FOCAD: variants seen among roughly 807,000 people sequenced by gnomAD.
The protein encoded by FOCAD is focadhesin, also known as KIAA1797.
FOCAD carries 198 observed loss-of-function variants against 225.6 expected under a neutral mutation model. The ratio of observed to expected loss-of-function variants is 0.88; its 90% confidence interval spans 0.78 to 0.99. The LOEUF is 0.99. Ranked by LOEUF, FOCAD falls within the 50% of genes least tolerant of loss-of-function variation. The probability of loss-of-function intolerance (pLI) is 0.00; values close to 1 mark genes in which losing one functional copy is unlikely to be tolerated. For missense variants in FOCAD, 2,713 were observed against 2,123.6 expected, an observed-to-expected ratio of 1.28 and a Z score of -5.46; for synonymous variants, 897 against 755.0, an observed-to-expected ratio of 1.19 and a Z score of -3.08.
intron 41 of FOCAD, 78 bp from the exon 42 acceptor site, chr9:20,990,045 A>G (rs751955379): frequency 6.4e-6 from 10 of 1,553,942 alleles, no homozygotes; most frequent in Non-Finnish European, 7.9e-6. Context: ...GCCTCACGAC[A>G]GGGGCTGTGT....
rs116067246 is a variant in FOCAD at position 20,778,490 on chromosome 9, C to T, written c.907-191C>T. On this transcript the variant is annotated intron_variant, in intron 8 of 43. Transcript: ENST00000338382. ...CTGCCTTGGCCTCCCAAAGTGTTGGCGTTACAGGCGTGAGCTGCCACGCCC... is the reference window on the plus strand; with the variant it reads ...CTGCCTTGGCCTCCCAAAGTGTTGGTGTTACAGGCGTGAGCTGCCACGCCC... Among the ~76,000 whole-genome samples, 5,198 of 152,176 alleles carry T rather than the reference C, an allele frequency of 0.034. 123 individuals are homozygous for T. The highest frequency in any genetic ancestry group is 0.067 in the African/African-American group (2,795 of 41,524).
In FOCAD at chr9:20,982,021, A is replaced by T. The variant is rs555661751; in HGVS notation, c.4638+335A>T. Among the ~76,000 whole-genome samples the T allele has an allele frequency of 9.8e-5, 15 of 152,310 alleles. No individual in the cohort carries two copies. In the South Asian group the frequency reaches 2.3e-3, roughly 23 times the overall value. ...GGAGAATCCGTGGGCATGAGTTCCCATATACTGTTTATATAAAACAATTTA... is the reference window on the plus strand; with the variant it reads ...GGAGAATCCGTGGGCATGAGTTCCCTTATACTGTTTATATAAAACAATTTA... On this transcript the variant is annotated intron_variant, in intron 38 of 43. Coordinates refer to ENST00000338382, the MANE Select transcript of FOCAD (RefSeq NM_001375567.1).
At chr9:20,820,181 A>T (rs902993411) in intron 12 of FOCAD, 143 bp from the exon 13 acceptor site, 1 of 594,670 alleles carries the variant, frequency 1.7e-6, no homozygotes, top group Non-Finnish European at 2.9e-6. Context: ...GCTATTTTTC[A>T]TCCTCTAAGA....
intron 21 of FOCAD, among the ~76,000 whole-genome samples, chr9:20,901,334 A>G (rs7873682): frequency 0.64 from 96,271 of 150,876 alleles, 31,067 homozygotes; most frequent in African/African-American, 0.73. Context: ...CATGTGGCAA[A>G]CATGAAAAAT....
At chr9:20,715,453 C>G in intron 2 of FOCAD, 43 bp downstream of exon 2, 4 of 1,211,912 alleles carry the variant, frequency 3.3e-6, no homozygotes, top group Non-Finnish European at 4.5e-6. Context: ...ACAAATAAAC[C>G]TGTTCTGTGG....
At chr9:20,663,597 A>G (rs1821804376) in intron 2 of FOCAD, among the ~76,000 whole-genome samples, 1 of 152,146 alleles carries the variant, frequency 6.6e-6, no homozygotes, top group African/African-American at 2.4e-5. Context: ...GCTATGCATC[A>G]AAAACAATTC....
intron 35 of FOCAD, among the ~76,000 whole-genome samples, chr9:20,965,135 A>T (rs760457662): frequency 1.3e-5 from 2 of 152,128 alleles, no homozygotes; most frequent in Admixed American, 6.5e-5. Flanking sequence ...AGGGCATGGT[A>T]CTCTTTTATA....
rs1030598646 is a variant in FOCAD, at chr9:20,961,680, C to T, written c.4132+8615C>T. ...CTTTTTGTATTTGTAACTCCCTTCT[C>T]TGACAGTAAGAAACTTGACTCTCAT... is the stretch of plus-strand genomic sequence containing the variant. On this transcript the variant is annotated intron_variant, in intron 35 of 43. Coordinates refer to ENST00000338382, the MANE Select transcript of FOCAD (RefSeq NM_001375567.1). Among the ~76,000 whole-genome samples the T allele has an allele frequency of 3.9e-5, 6 of 152,262 alleles. No homozygotes were observed. In the South Asian group the frequency reaches 1.2e-3, roughly 32 times the overall value.
At chr9:20,733,745 T>A (rs2131619522) in intron 4 of FOCAD, among the ~76,000 whole-genome samples, 1 of 152,314 alleles carries the variant, frequency 6.6e-6, no homozygotes, top group East Asian at 1.9e-4. Flanking sequence ...CTCATGCCTG[T>A]AATCCTAGCA....
chr9:20,814,965 T>A (rs929308105), intron 11 of FOCAD, among the ~76,000 whole-genome samples: 2 of 152,016 alleles, frequency 1.3e-5, no homozygotes, highest in African/African-American at 4.8e-5. Context: ...GTTTAGGTAT[T>A]ACCAGTAAAC....
intron 21 of FOCAD, among the ~76,000 whole-genome samples, chr9:20,893,926 T>G (rs1831849037): frequency 1.3e-5 from 2 of 152,174 alleles, no homozygotes; most frequent in Non-Finnish European, 2.9e-5. Flanking sequence ...TGTTAAACAT[T>G]CTATGGGTTT....
intron 18 of FOCAD, among the ~76,000 whole-genome samples, chr9:20,868,137 T>C (rs1380343038): frequency 6.6e-6 from 1 of 152,058 alleles, no homozygotes; most frequent in Non-Finnish European, 1.5e-5. Context: ...GACTGCATTA[T>C]GATGACCAGC....
chr9:20,884,251 T>C, intron 20 of FOCAD, among the ~76,000 whole-genome samples: 1 of 152,228 alleles, frequency 6.6e-6, no homozygotes, highest in Non-Finnish European at 1.5e-5. Context: ...ATATTTTACA[T>C]GTGATCTTAA....
chr9:20,983,320 T>C (rs1840874132), intron 39 of FOCAD, among the ~76,000 whole-genome samples: 1 of 152,118 alleles, frequency 6.6e-6, no homozygotes, highest in African/African-American at 2.4e-5. Context: ...ACGCCTGTAA[T>C]CCCAGCACTT....
chr9:20,949,715 T>A (rs1587699978), intron 33 of FOCAD, 40 bp downstream of exon 33: 1 of 1,470,450 alleles, frequency 6.8e-7, no homozygotes, highest in African/African-American at 1.4e-5. Flanking sequence ...GGAAAACATA[T>A]CCCCCTTTGT....
chr9:20,697,135 A>T (rs1196216288), intron 1 of FOCAD, among the ~76,000 whole-genome samples: 1 of 152,200 alleles, frequency 6.6e-6, no homozygotes, highest in African/African-American at 2.4e-5. Context: ...ATACCTCAAT[A>T]AATCTGGAAA....
chr9:20,662,168 CAT>C (rs1821747024), intron 2 of FOCAD, among the ~76,000 whole-genome samples: 2 of 151,838 alleles, frequency 1.3e-5, no homozygotes. Context: ...TGTTGCTAAA[CAT>C]AAAGTGGAAA....
chr9:20,821,956 A>G (rs1317567818), intron 14 of FOCAD, among the ~76,000 whole-genome samples: 2 of 37,488 alleles, frequency 5.3e-5, no homozygotes, highest in East Asian at 4.8e-4. Flanking sequence ...CTAAGCTTCC[A>G]TCTTTAGCAA....
At chr9:20,673,915 A>C (rs1822153298) in intron 2 of FOCAD, among the ~76,000 whole-genome samples, 10 of 152,226 alleles carry the variant, frequency 6.6e-5, no homozygotes, top group Admixed American at 6.5e-4. Context: ...TTTAATTATC[A>C]AGTTGTAAAA....
Sources: gnomAD v4.1 joint callset for allele counts (sites outside exome capture counted in the v4.1 genomes callset) on GRCh38, gnomAD v4.1.1 for gene constraint, MANE v1.5 for transcripts, NCBI Gene and HGNC (gene_info 2026-07-23, HGNC 2026-07-21) for gene names.